MN1: variants seen among roughly 807,000 people sequenced by gnomAD.
MN1 encodes the protein transcriptional activator MN1.
In MN1, 19 loss-of-function variants were observed where a neutral mutation model predicts 86.9. The ratio of observed to expected loss-of-function variants is 0.22; its 90% CI spans 0.15 to 0.32. The LOEUF (loss-of-function observed/expected upper bound fraction) is 0.32, where lower values mean the gene tolerates loss of function less well. Among genes scored for constraint, MN1 ranks in the 10% least tolerant of loss-of-function variants. The probability of loss-of-function intolerance (pLI) is 1.00; values close to 1 mark genes in which losing one functional copy is unlikely to be tolerated. For missense variants in MN1, 1,841 were observed against 1,862.0 expected, an observed-to-expected ratio of 0.99 and a Z score of 0.21; for synonymous variants, 928 against 849.6, an observed-to-expected ratio of 1.09 and a Z score of -1.60.
In MN1 at chr22:27,749,421, T is replaced by C. The variant is rs1294683059; in HGVS notation, c.*1494A>G. ...TAAATAGATAACCATCACGGTTATATATTTGGGTGAAGTGATATCAGTTAC... is the reference window on the plus strand; with the variant it reads ...TAAATAGATAACCATCACGGTTATACATTTGGGTGAAGTGATATCAGTTAC... On this transcript the variant is annotated 3_prime_UTR_variant, in exon 2 of 2. Coordinates refer to ENST00000302326, the MANE Select transcript of MN1 (RefSeq NM_002430.3). 1 of 231,360 alleles carries C rather than the reference T, an allele frequency of 4.3e-6. No individual in the cohort carries two copies. Among genetic ancestry groups the C allele is most frequent in the Non-Finnish European group, 8.6e-6 (1 of 116,948 alleles). 14.3% of individuals were successfully genotyped at this position (231,360 alleles called of 1,614,324 possible). A position where few individuals can be genotyped will look rare whatever the true frequency, so the allele number is the denominator to read the frequency against.
At chr22:27,795,878 C>A (rs1418513592) in intron 1 of MN1, among the ~76,000 whole-genome samples, 1 of 152,176 alleles carries the variant, frequency 6.6e-6, no homozygotes, top group African/African-American at 2.4e-5. Flanking sequence ...ACCCCTCCCA[C>A]CTTAAAGGCC....
intron 1 of MN1, among the ~76,000 whole-genome samples, chr22:27,755,400 G>T (rs910395059): frequency 6.6e-6 from 1 of 152,158 alleles, no homozygotes; most frequent in African/African-American, 2.4e-5. Flanking sequence ...CAGCACAGGG[G>T]GCCGAGGGCA....
rs764189244 is a variant in MN1, at chr22:27,799,038, C to T, written c.1506G>A (p.Val502=). 36 of 1,611,760 alleles carry T rather than the reference C, an allele frequency of 2.2e-5. No homozygotes were observed. Among genetic ancestry groups the T allele is most frequent in the Non-Finnish European group, 2.8e-5 (33 of 1,179,250 alleles). The change falls in exon 1 of 2, where the codon GTG becomes GTA. Residue 502 remains valine, a synonymous_variant. Coordinates refer to ENST00000302326, the MANE Select transcript of MN1 (RefSeq NM_002430.3). ...GCGGCCCCGAAGGGAAGCTGTCGGGCACAGGCGGTGTGAACTCGCCGGGTA... is the reference window on the plus strand; with the variant it reads ...GCGGCCCCGAAGGGAAGCTGTCGGGTACAGGCGGTGTGAACTCGCCGGGTA... The part of the protein sequence containing the change: ...PGLPGEFTPP[V]PDSFPSGPPL...
In MN1 at chr22:27,750,781, G is replaced by GGAAA; in HGVS notation, c.*133_*134insTTTC. 1.6e-5 allele frequency: 8 copies of GGAAA among 497,598 alleles called. No individual in the cohort carries two copies. Among genetic ancestry groups the GGAAA allele is most frequent in the Admixed American group, 8.2e-5 (1 of 12,224 alleles). 30.8% of individuals were successfully genotyped at this position (497,598 alleles called of 1,614,324 possible). ...GCCACTAAGCAGGTACCAACCTAGAGAAAAAAAAAAAACTCATCCACTCAG... is the reference window on the plus strand; with the variant it reads ...GCCACTAAGCAGGTACCAACCTAGAGGAAAAAAAAAAAAAAACTCATCCACTCAG... On this transcript the variant is annotated 3_prime_UTR_variant, in exon 2 of 2. Coordinates refer to ENST00000302326, the MANE Select transcript of MN1 (RefSeq NM_002430.3).
At position 27,797,973 on chromosome 22, in the gene MN1, C is replaced by T. The variant is rs750467720; in HGVS notation, c.2571G>A (p.Lys857=). 5 of 1,592,774 alleles carry T rather than the reference C, an allele frequency of 3.1e-6. No individual in the cohort carries two copies. The South Asian group carries it at 5.7e-5, about 18-fold the overall frequency. Reference sequence around the variant, plus strand: ...CGGTCTCGTTCTGGCTCAGTTTCCTCTTGCCCTCTGGCGGGTTCTTCTTGT... The same window carrying T: ...CGGTCTCGTTCTGGCTCAGTTTCCTTTTGCCCTCTGGCGGGTTCTTCTTGT... ...TFNKKNPPEG[K]RKLSQNETDG... is the part of the protein sequence containing the mutation. Residue 857 remains lysine (K), a synonymous_variant, in exon 1 of 2, where the codon AAG becomes AAA. Coordinates refer to ENST00000302326, the MANE Select transcript of MN1 (RefSeq NM_002430.3).
chr22:27,786,842 G>GCGCA (rs112383664), intron 1 of MN1, among the ~76,000 whole-genome samples: 1 of 140,612 alleles, frequency 7.1e-6, no homozygotes, highest in African/African-American at 2.6e-5. Flanking sequence ...ATGCCCGTGC[G>GCGCA]CACACACACA....
rs750142382 is a variant in MN1, at chr22:27,800,298, C to T, written c.246G>A (p.Gly82=). Reference sequence around the variant, plus strand: ...AGCCGTGCACAGGCTGCGCTTGCAGCCCCCCTGCGTGCAACTCCGAGTGGC... The same window carrying T: ...AGCCGTGCACAGGCTGCGCTTGCAGTCCCCCTGCGTGCAACTCCGAGTGGC... The part of the protein sequence containing the change: ...ARGHSELHAG[G]LQAQPVHGFF... The change falls in exon 1 of 2, where the codon GGG becomes GGA. Residue 82 remains glycine (G), a synonymous_variant. Transcript: ENST00000302326. 9 of 1,575,538 alleles carry T rather than the reference C, an allele frequency of 5.7e-6. No individual in the cohort carries two copies. The highest frequency in any genetic ancestry group is 1.4e-5 in the African/African-American group (1 of 73,812).
chr22:27,776,705 C>A (rs1230265945), intron 1 of MN1, among the ~76,000 whole-genome samples: 1 of 151,900 alleles, frequency 6.6e-6, no homozygotes, highest in East Asian at 1.9e-4. Context: ...AGCTGGCATG[C>A]TGGAATATAA....
At chr22:27,768,933 C>T (rs1932891248) in intron 1 of MN1, among the ~76,000 whole-genome samples, 1 of 152,338 alleles carries the variant, frequency 6.6e-6, no homozygotes. Flanking sequence ...ACATTTCCAT[C>T]ATTCCAGAAA....
At chr22:27,772,886 A>C (rs45606938) in intron 1 of MN1, among the ~76,000 whole-genome samples, 2,331 of 115,796 alleles carry the variant, frequency 0.02, 60 homozygotes, top group African/African-American at 0.073. Context: ...TCATCATCAT[A>C]ATCAAGCAGT....
chr22:27,775,357 C>T (rs927994293), intron 1 of MN1, among the ~76,000 whole-genome samples: 2 of 152,102 alleles, frequency 1.3e-5, no homozygotes, highest in African/African-American at 2.4e-5. Flanking sequence ...GTTCTTGGTA[C>T]GCAGGAATCG....
At chr22:27,761,539 C>T (rs759975900) in intron 1 of MN1, among the ~76,000 whole-genome samples, 1 of 152,130 alleles carries the variant, frequency 6.6e-6, no homozygotes, top group Non-Finnish European at 1.5e-5. Context: ...TTTCTTCCCT[C>T]ACCACTGATG....
At chr22:27,753,331 C>A in intron 1 of MN1, among the ~76,000 whole-genome samples, 1 of 152,206 alleles carries the variant, frequency 6.6e-6, no homozygotes, top group East Asian at 1.9e-4. Flanking sequence ...TTTGAAGTCA[C>A]AGCCCCACTA....
At chr22:27,778,803 G>A (rs530740224) in intron 1 of MN1, among the ~76,000 whole-genome samples, 1 of 152,338 alleles carries the variant, frequency 6.6e-6, no homozygotes, top group East Asian at 1.9e-4. Context: ...ACCACAGTCA[G>A]GTGGGCCCTG....
intron 1 of MN1, among the ~76,000 whole-genome samples, chr22:27,772,633 G>C (rs753769565): frequency 1.3e-5 from 2 of 152,148 alleles, no homozygotes; most frequent in Non-Finnish European, 2.9e-5. Context: ...GTGCTGGTGA[G>C]AGCCTGGGTG....
chr22:27,790,935 G>A (rs1933203009), intron 1 of MN1, among the ~76,000 whole-genome samples: 1 of 152,136 alleles, frequency 6.6e-6, no homozygotes, highest in Non-Finnish European at 1.5e-5. Flanking sequence ...TAGGACTCAC[G>A]CTCATTCAGT....
At position 27,799,895 on chromosome 22, in the gene MN1, G is replaced by T; in HGVS notation, c.649C>A (p.Leu217Met). 1 of 1,603,234 alleles carries T rather than the reference G, an allele frequency of 6.2e-7. No homozygotes were observed. The change falls in exon 1 of 2, where the codon CTG becomes ATG. Residue 217 changes from leucine to methionine, a missense_variant. Transcript: ENST00000302326. ...PSSSGSDSHSLEPRRVTNQGA... is the reference protein window; with the variant it reads ...PSSSGSDSHSMEPRRVTNQGA... The stretch of plus-strand genomic sequence containing the variant: ...TGGTTCGTCACCCTCCGTGGCTCCA[G>T]ACTGTGGGAATCGGAGCCGCTGGAG...
intron 1 of MN1, among the ~76,000 whole-genome samples, chr22:27,794,416 A>C (rs1202978984): frequency 6.6e-6 from 1 of 152,204 alleles, no homozygotes; most frequent in African/African-American, 2.4e-5. Context: ...AGTAGAAAAC[A>C]AAGGAGGTCA....
At chr22:27,791,494 A>C (rs2146312201) in intron 1 of MN1, among the ~76,000 whole-genome samples, 1 of 152,268 alleles carries the variant, frequency 6.6e-6, no homozygotes, top group East Asian at 1.9e-4. Context: ...CCTCCAGACC[A>C]GAGAACTGGG....
Sources: gnomAD v4.1 joint callset for allele counts (sites outside exome capture counted in the v4.1 genomes callset) on GRCh38, gnomAD v4.1.1 for gene constraint, MANE v1.5 for transcripts, NCBI Gene and HGNC (gene_info 2026-07-23, HGNC 2026-07-21) for gene names.